PTPRK: variants seen among roughly 807,000 people sequenced by gnomAD.
The protein encoded by PTPRK is protein tyrosine phosphatase receptor type K.
Under a neutral mutation model 178.0 loss-of-function variants are expected in PTPRK, and 75 were observed. The ratio of observed to expected loss-of-function variants is 0.42; its 90% CI spans 0.35 to 0.51. The LOEUF is 0.51. Among genes scored for constraint, PTPRK ranks in the 20% least tolerant of loss-of-function variants. The pLI, the probability that PTPRK is intolerant of heterozygous loss-of-function variation, is 0.02. For synonymous variants in PTPRK, 637 were observed against 620.6 expected, an observed-to-expected ratio of 1.03 and a Z score of -0.39; for missense variants, 1,441 against 1,797.8, an observed-to-expected ratio of 0.80 and a Z score of 3.59.
At chr6:127,973,902 T>A in intron 27 of PTPRK, 75 bp from the exon 28 acceptor site, 4 of 1,423,188 alleles carry the variant, frequency 2.8e-6, no homozygotes, top group Non-Finnish European at 3.9e-6. Flanking sequence ...TGCATATAAT[T>A]TACAATACAA....
At chr6:128,233,942 T>C (rs898012659) in intron 5 of PTPRK, among the ~76,000 whole-genome samples, 5 of 152,178 alleles carry the variant, frequency 3.3e-5, no homozygotes, top group Non-Finnish European at 7.4e-5. Context: ...ATGGAGTCAT[T>C]AGTATTTTAG....
rs757409064 is a variant in PTPRK at position 127,991,387 on chromosome 6, G to A, written c.2886C>T (p.Pro962=). ...RPSHYIATQG[P]VHETVYDFWR... Reference sequence around the variant, plus strand: ...AGAAATCATACACTGTTTCATGAACGGGACCTACAAAGAAATTAATTTGAA... The same window carrying A: ...AGAAATCATACACTGTTTCATGAACAGGACCTACAAAGAAATTAATTTGAA... Residue 962 remains proline, a synonymous_variant, in exon 20 of 30, where the codon CCC becomes CCT. Coordinates refer to ENST00000368226, the MANE Select transcript of PTPRK (RefSeq NM_002844.4). The A allele has an allele frequency of 5.7e-6, 9 of 1,568,476 alleles. No homozygotes were observed. Among genetic ancestry groups the A allele is most frequent in the South Asian group, 2.5e-5 (2 of 81,148 alleles).
chr6:128,306,660 G>C (rs974346098), intron 3 of PTPRK, among the ~76,000 whole-genome samples: 1 of 152,032 alleles, frequency 6.6e-6, no homozygotes, highest in East Asian at 1.9e-4. Flanking sequence ...AGCCGGGTGT[G>C]GTGGCATGTG....
At chr6:128,297,103 C>G (rs1286052680) in intron 3 of PTPRK, among the ~76,000 whole-genome samples, 2 of 151,422 alleles carry the variant, frequency 1.3e-5, no homozygotes, top group Non-Finnish European at 2.9e-5. Flanking sequence ...GACTTTAAAC[C>G]AACAAAGATC....
At chr6:128,023,002 C>T (rs557687346) in intron 13 of PTPRK, among the ~76,000 whole-genome samples, 1 of 152,258 alleles carries the variant, frequency 6.6e-6, no homozygotes, top group South Asian at 2.1e-4. Context: ...ACTTACATTA[C>T]AAAATCCCAT....
intron 7 of PTPRK, among the ~76,000 whole-genome samples, chr6:128,159,640 C>A (rs1005649903): frequency 1.3e-5 from 2 of 151,678 alleles, no homozygotes; most frequent in Admixed American, 1.3e-4. Flanking sequence ...AAAGTCTTCA[C>A]ACTTTCTAAA....
intron 13 of PTPRK, among the ~76,000 whole-genome samples, chr6:128,044,454 A>C (rs987805819): frequency 2.6e-5 from 4 of 151,934 alleles, no homozygotes; most frequent in Non-Finnish European, 5.9e-5. Flanking sequence ...GCACAGATCA[A>C]ATCATGATTC....
intron 13 of PTPRK, among the ~76,000 whole-genome samples, chr6:128,014,399 C>T (rs948659555): frequency 6.6e-6 from 1 of 151,558 alleles, no homozygotes; most frequent in Non-Finnish European, 1.5e-5. Flanking sequence ...GTTCTCTTAT[C>T]TGTTGTGTGA....
At chr6:128,047,596 A>C (rs1778281137) in intron 13 of PTPRK, among the ~76,000 whole-genome samples, 1 of 152,158 alleles carries the variant, frequency 6.6e-6, no homozygotes, top group Non-Finnish European at 1.5e-5. Context: ...GTTTTCTGGT[A>C]TTTTAGACTG....
At chr6:128,157,980 C>T (rs1036741799) in intron 7 of PTPRK, among the ~76,000 whole-genome samples, 5 of 151,924 alleles carry the variant, frequency 3.3e-5, no homozygotes, top group African/African-American at 7.2e-5. Flanking sequence ...GTTGCCATTG[C>T]TTTTGGTGTT....
intron 1 of PTPRK, among the ~76,000 whole-genome samples, chr6:128,467,714 T>C (rs1042438283): frequency 6.6e-6 from 1 of 152,174 alleles, no homozygotes; most frequent in African/African-American, 2.4e-5. Context: ...GTCCTCTCAT[T>C]GGCCATTAAA....
intron 5 of PTPRK, among the ~76,000 whole-genome samples, chr6:128,229,757 T>G (rs1811988294): frequency 6.6e-6 from 1 of 152,188 alleles, no homozygotes; most frequent in African/African-American, 2.4e-5. Flanking sequence ...TTAAATATAT[T>G]TAAATCCATG....
intron 13 of PTPRK, among the ~76,000 whole-genome samples, chr6:128,029,339 C>T (rs1174246349): frequency 1.3e-5 from 2 of 151,984 alleles, no homozygotes; most frequent in Non-Finnish European, 2.9e-5. Context: ...AACCATGAAC[C>T]ATTTAAACCT....
chr6:128,190,155 T>C (rs1412661710), intron 6 of PTPRK, among the ~76,000 whole-genome samples: 2 of 152,190 alleles, frequency 1.3e-5, no homozygotes, highest in African/African-American at 2.4e-5. Context: ...ATAAGAAGTA[T>C]ACATTTGAAA....
chr6:128,316,709 CT>C (rs11296650), intron 3 of PTPRK, among the ~76,000 whole-genome samples: 124,414 of 133,532 alleles, frequency 0.93, 58,332 homozygotes, highest in South Asian at 0.99. Flanking sequence ...TAAGCTTTTT[CT>C]TTTTTTTTTT....
At chr6:128,233,636 C>G (rs1213891867) in intron 5 of PTPRK, among the ~76,000 whole-genome samples, 2 of 152,224 alleles carry the variant, frequency 1.3e-5, no homozygotes, top group East Asian at 3.8e-4. Context: ...ACTATTCTAG[C>G]AATGATGAGC....
chr6:128,089,751 G>A lies in PTPRK; in HGVS notation c.1404C>T (p.Ile468=), dbSNP rs867647063. The A allele has an allele frequency of 9.9e-6, 16 of 1,613,122 alleles. No individual in the cohort carries two copies. The highest frequency in any genetic ancestry group is 1.4e-5 in the Non-Finnish European group (16 of 1,179,228). The change falls in exon 8 of 30, where the codon ATC becomes ATT. Residue 468 remains isoleucine, a synonymous_variant. Coordinates refer to ENST00000368226, the MANE Select transcript of PTPRK (RefSeq NM_002844.4). The part of the protein sequence containing the change: ...PPYTNVSLKM[I]LTNPEGRKES... The stretch of plus-strand genomic sequence containing the variant: ...CCTTCCTTCCCTCTGGATTGGTTAG[G>A]ATCATCTTGAGGCTGACATTTGTAT...
At chr6:128,191,897 G>A (rs528680306) in intron 6 of PTPRK, among the ~76,000 whole-genome samples, 1 of 152,288 alleles carries the variant, frequency 6.6e-6, no homozygotes, top group African/African-American at 2.4e-5. Flanking sequence ...ATTTTGAGGA[G>A]GAGAGTGCAA....
intron 7 of PTPRK, among the ~76,000 whole-genome samples, chr6:128,096,180 C>G (rs1787878016): frequency 6.6e-6 from 1 of 152,066 alleles, no homozygotes; most frequent in Non-Finnish European, 1.5e-5. Context: ...CTAAATAGAT[C>G]AAGTATGGTA....
Sources: gnomAD v4.1 joint callset for allele counts (sites outside exome capture counted in the v4.1 genomes callset) on GRCh38, gnomAD v4.1.1 for gene constraint, MANE v1.5 for transcripts, NCBI Gene and HGNC (gene_info 2026-07-23, HGNC 2026-07-21) for gene names.